The following PRMT8 variants were observed in gnomAD, a reference collection of about 807,000 sequenced individuals.
PRMT8 encodes protein arginine N-methyltransferase 8.
A neutral mutation model predicts 47.1 loss-of-function variants in PRMT8; 7 were observed. That is an observed-to-expected ratio of 0.15 (90% CI 0.08 to 0.28). The LOEUF (loss-of-function observed/expected upper bound fraction) is 0.28. Among genes scored for constraint, PRMT8 ranks in the 10% least tolerant of loss-of-function variants. PRMT8 has a pLI of 1.00. For synonymous variants in PRMT8, 188 were observed against 186.5 expected (o/e 1.01, Z -0.07); for missense variants, 237 against 505.4 (o/e 0.47, Z 5.09).
chr12:3,563,995 G>A (rs1223567984), intron 4 of PRMT8, among the ~76,000 whole-genome samples: 1 of 151,642 alleles, frequency 6.6e-6, no homozygotes, highest in Non-Finnish European at 1.5e-5. Context: ...GATTCTGAAT[G>A]TTTGTGAGGA....
chr12:3,589,846 C>T (rs569460176), intron 8 of PRMT8, among the ~76,000 whole-genome samples: 2 of 152,256 alleles, frequency 1.3e-5, no homozygotes, highest in South Asian at 2.1e-4. Flanking sequence ...CATAAGGCAT[C>T]GGATTAGGTG....
chr12:3,412,275 A>G (rs1864438831), intron 1 of PRMT8, among the ~76,000 whole-genome samples: 1 of 152,208 alleles, frequency 6.6e-6, no homozygotes, highest in Admixed American at 6.5e-5. Context: ...TAAAAATTGT[A>G]CACCTGTACA....
Position 3,593,163 on chromosome 12 carries a change from A to T in PRMT8, c.1166A>T (p.Asn389Ile). 1 of 1,614,058 alleles carries T rather than the reference A, an allele frequency of 6.2e-7. No homozygotes were observed. The highest frequency in any genetic ancestry group is 8.5e-7 in the Non-Finnish European group (1 of 1,179,926). ...CAGCTGTGTGAAACATCTGTATCTA[A>T]TGACTACAAAATGCGTTAGCACACG... ...KGQLCETSVSNDYKMR is the reference protein window; with the variant it reads ...KGQLCETSVSIDYKMR Residue 389 changes from asparagine to isoleucine, a missense_variant, in exon 10 of 10, where the codon AAT becomes ATT. By Grantham distance (149) the Asn-to-Ile change is moderately radical. Coordinates refer to ENST00000382622, the MANE Select transcript of PRMT8 (RefSeq NM_019854.5). The surrounding 1 kb of genome is among the most constrained non-coding windows in gnomAD (Gnocchi z 4.8).
In PRMT8 at chr12:3,535,358, T is replaced by A. The variant is rs537606732; in HGVS notation, c.76-5248T>A. On this transcript the variant is annotated intron_variant, in intron 1 of 9. Coordinates refer to ENST00000382622, the MANE Select transcript of PRMT8 (RefSeq NM_019854.5). This position sits in a 1 kb window ranked among gnomAD's most constrained non-coding sequence, Gnocchi z 4.7. ...CTGAAGCTGCCCTGGGTAAGGCCAG[T>A]CTGGGGGCGGAACACTGTGTTGGGG... Among the ~76,000 whole-genome samples the A allele has an allele frequency of 6.6e-6, 1 of 152,284 alleles. No individual in the cohort carries two copies. Among genetic ancestry groups the A allele is most frequent in the South Asian group, 2.1e-4 (1 of 4,824 alleles).
intron 1 of PRMT8, among the ~76,000 whole-genome samples, chr12:3,393,281 C>G (rs1864214258): frequency 1.4e-5 from 2 of 147,330 alleles, no homozygotes; most frequent in South Asian, 4.4e-4. Flanking sequence ...GACATGAAGT[C>G]CTTGCCCATG....
At chr12:3,560,903 C>T (rs1866625194) in intron 4 of PRMT8, among the ~76,000 whole-genome samples, 1 of 152,176 alleles carries the variant, frequency 6.6e-6, no homozygotes, top group African/African-American at 2.4e-5. Flanking sequence ...GGCTCAGAGA[C>T]TGTGGAGGTC....
At chr12:3,532,083 A>G (rs1866039952) in intron 1 of PRMT8, among the ~76,000 whole-genome samples, 1 of 152,058 alleles carries the variant, frequency 6.6e-6, no homozygotes, top group South Asian at 2.1e-4. Flanking sequence ...TCCACCAGCG[A>G]CGGCCGACAT....
Position 3,569,819 on chromosome 12 carries a change from G to A in PRMT8, c.712+255G>A, listed in dbSNP as rs572851648. ...CCTGGGGTGAAAGAATGAATGCAATGTGAATTAAAAATTGGACTGAGGCAG... is the reference window on the plus strand; with the variant it reads ...CCTGGGGTGAAAGAATGAATGCAATATGAATTAAAAATTGGACTGAGGCAG... On this transcript the variant is annotated intron_variant, in intron 6 of 9. Coordinates refer to ENST00000382622, the MANE Select transcript of PRMT8 (RefSeq NM_019854.5). The surrounding 1 kb of genome is among the most constrained non-coding windows in gnomAD (Gnocchi z 8.2). Among the ~76,000 whole-genome samples, 8 of 152,296 alleles carry A rather than the reference G, an allele frequency of 5.3e-5. No individual in the cohort carries two copies. In the East Asian group the frequency reaches 1.2e-3, roughly 22 times the overall value.
Position 3,409,511 on chromosome 12 carries a change from A to G in PRMT8, c.48+28069A>G, listed in dbSNP as rs1864405000. Among the ~76,000 whole-genome samples, 1 of 152,164 alleles carries G rather than the reference A, an allele frequency of 6.6e-6. No homozygotes were observed. Among genetic ancestry groups the G allele is most frequent in the Admixed American group, 6.5e-5 (1 of 15,284 alleles). On this transcript the variant is annotated intron_variant, in intron 1 of 9. Transcript: ENST00000452611. The surrounding 1 kb of genome is among the most constrained non-coding windows in gnomAD (Gnocchi z 4.4). ...AGCTGCAGCTTGGGCCTCAGGAAGCATGGAGCAGCACAGCAATGACTCTAT... is the reference window on the plus strand; with the variant it reads ...AGCTGCAGCTTGGGCCTCAGGAAGCGTGGAGCAGCACAGCAATGACTCTAT...
chr12:3,446,287 A>G (rs1218927491), intron 1 of PRMT8, among the ~76,000 whole-genome samples: 1 of 151,710 alleles, frequency 6.6e-6, no homozygotes. Context: ...TCAAATCCTT[A>G]TTCCTTTCCT....
At chr12:3,431,467 C>T (rs142777275) in intron 1 of PRMT8, among the ~76,000 whole-genome samples, 12 of 151,896 alleles carry the variant, frequency 7.9e-5, no homozygotes, top group South Asian at 2.1e-4. Flanking sequence ...TGATGAGGAG[C>T]GTGGGAGGTC....
At chr12:3,478,418 G>T (rs1338611861) in intron 1 of PRMT8, among the ~76,000 whole-genome samples, 1 of 152,150 alleles carries the variant, frequency 6.6e-6, no homozygotes, top group African/African-American at 2.4e-5. Flanking sequence ...CTTGGCTTGG[G>T]CCCCTCCACC....
intron 1 of PRMT8, among the ~76,000 whole-genome samples, chr12:3,470,504 G>A (rs1865149438): frequency 1.3e-5 from 2 of 152,174 alleles, no homozygotes; most frequent in African/African-American, 4.8e-5. Context: ...CTAAGTGGGA[G>A]GTCTGTGAGC....
intron 1 of PRMT8, among the ~76,000 whole-genome samples, chr12:3,471,562 C>T (rs1377284820): frequency 6.6e-6 from 1 of 151,666 alleles, no homozygotes; most frequent in African/African-American, 2.4e-5. Context: ...CTCAGTCACC[C>T]CCCCTTGGCC....
At chr12:3,405,941 G>A (rs958124512) in intron 1 of PRMT8, among the ~76,000 whole-genome samples, 4 of 152,236 alleles carry the variant, frequency 2.6e-5, no homozygotes, top group African/African-American at 9.6e-5. Flanking sequence ...GACTCTGTGT[G>A]GGGGCTGCAA....
chr12:3,549,579 T>C (rs1413066998), intron 2 of PRMT8, among the ~76,000 whole-genome samples: 1 of 152,144 alleles, frequency 6.6e-6, no homozygotes, highest in Non-Finnish European at 1.5e-5. Context: ...TCAATGACAA[T>C]TCTCTCACCA....
At chr12:3,465,212 A>C (rs1215092582) in intron 1 of PRMT8, among the ~76,000 whole-genome samples, 1 of 144,850 alleles carries the variant, frequency 6.9e-6, no homozygotes, top group Non-Finnish European at 1.5e-5. Context: ...ATTTTTATAT[A>C]TATTTTATAA....
At chr12:3,418,473 G>T (rs1378762501) in intron 1 of PRMT8, among the ~76,000 whole-genome samples, 2 of 152,186 alleles carry the variant, frequency 1.3e-5, no homozygotes, top group African/African-American at 2.4e-5. Context: ...TGACAGGATG[G>T]GCTGGTCCTA....
At chr12:3,575,057 A>G (rs966617259) in intron 6 of PRMT8, among the ~76,000 whole-genome samples, 1 of 152,160 alleles carries the variant, frequency 6.6e-6, no homozygotes, top group African/African-American at 2.4e-5. Context: ...GTAGGTTTTA[A>G]TTGGGAGTTT....
Sources: gnomAD v4.1 joint callset for allele counts (sites outside exome capture counted in the v4.1 genomes callset) on GRCh38, gnomAD v4.1.1 for gene constraint, Gnocchi (gnomAD v3.1) non-coding constraint, MANE v1.5 for transcripts, NCBI Gene and HGNC (gene_info 2026-07-23, HGNC 2026-07-21) for gene names.